DOCK4: variants seen among roughly 807,000 people sequenced by gnomAD.
DOCK4 encodes dedicator of cytokinesis protein 4.
A neutral mutation model predicts 268.1 loss-of-function variants in DOCK4; 97 were observed. That is an observed-to-expected ratio of 0.36 (90% confidence interval 0.31 to 0.43). DOCK4 has a LOEUF of 0.43. Ranked by LOEUF, DOCK4 falls within the 20% of genes least tolerant of loss-of-function variation. The pLI is 1.00. For missense variants in DOCK4, 2,145 were observed against 2,455.7 expected (o/e 0.87, Z 2.67); for synonymous variants, 954 against 887.2 (o/e 1.08, Z -1.34).
At chr7:111,801,447 ATTG>A (rs1353118691) in intron 30 of DOCK4, among the ~76,000 whole-genome samples, 1 of 152,138 alleles carries the variant, frequency 6.6e-6, no homozygotes, top group Non-Finnish European at 1.5e-5. Flanking sequence ...TTTTATCTAA[ATTG>A]GCGCAAGACC....
At chr7:111,822,136 G>C (rs1802031112) in intron 27 of DOCK4, among the ~76,000 whole-genome samples, 1 of 152,100 alleles carries the variant, frequency 6.6e-6, no homozygotes, top group Admixed American at 6.5e-5. Flanking sequence ...GGGTCAATGG[G>C]AACAGAACTT....
At chr7:112,098,201 C>T (rs1810326894) in intron 1 of DOCK4, among the ~76,000 whole-genome samples, 1 of 151,936 alleles carries the variant, frequency 6.6e-6, no homozygotes, top group South Asian at 2.1e-4. Context: ...TTTTTTTAGA[C>T]AGAGTCTCAC....
At chr7:112,044,880 A>G (rs971836378) in intron 1 of DOCK4, among the ~76,000 whole-genome samples, 1 of 151,978 alleles carries the variant, frequency 6.6e-6, no homozygotes, top group Non-Finnish European at 1.5e-5. Flanking sequence ...CATTTTGTCT[A>G]TTGCTACAGT....
chr7:111,896,346 TC>T (rs1808746082), intron 15 of DOCK4, among the ~76,000 whole-genome samples: 2 of 152,168 alleles, frequency 1.3e-5, no homozygotes, highest in Non-Finnish European at 2.9e-5. Flanking sequence ...GATGAGGTTT[TC>T]AGATGCCTAA....
rs1469345635 is a variant in DOCK4, at chr7:111,977,143, G to A, written c.690C>T (p.Asn230=). The change falls in exon 8 of 53, where the codon AAC becomes AAT. Residue 230 remains asparagine, a synonymous_variant. Transcript: ENST00000428084. ...CCACGTGCAGGTACCTGATTGGCCG[G>A]TTCTCTTTACTGTCAAAGAGTGAGA... ...VIFSLFDSKE[N]RPISERFFLR... The A allele has an allele frequency of 1.9e-6, 3 of 1,613,016 alleles. No homozygotes were observed. The highest frequency in any genetic ancestry group is 2.5e-6 in the Non-Finnish European group (3 of 1,179,602).
At chr7:111,877,558 T>A (rs1807007923) in intron 16 of DOCK4, among the ~76,000 whole-genome samples, 1 of 152,226 alleles carries the variant, frequency 6.6e-6, no homozygotes. Context: ...ATAAATCATA[T>A]TTGCAGTGAC....
chr7:111,770,758 CA>C (rs1195034189), intron 36 of DOCK4, among the ~76,000 whole-genome samples: 1 of 152,224 alleles, frequency 6.6e-6, no homozygotes, highest in Non-Finnish European at 1.5e-5. Flanking sequence ...TCTCAAAAGA[CA>C]TAATGATAGC....
chr7:111,844,602 T>C (rs1290175904), intron 25 of DOCK4, among the ~76,000 whole-genome samples, 161 bp downstream of exon 25: 1 of 152,236 alleles, frequency 6.6e-6, no homozygotes, highest in East Asian at 1.9e-4. Context: ...GTTTTATATC[T>C]TGGTTTCCTT....
rs894590226 is a variant in DOCK4, at chr7:111,974,492, A to G, written c.701+2640T>C. On this transcript the variant is annotated intron_variant, in intron 8 of 52. Coordinates refer to ENST00000428084, the MANE Select transcript of DOCK4 (RefSeq NM_001363540.2). The stretch of plus-strand genomic sequence containing the variant: ...AGATCAGGTGGCATATTGAAGAGGG[A>G]TGTGTGTGTGTGTGTGTGTGTGTGT... 8.2e-4 allele frequency among the ~76,000 whole-genome samples: 69 copies of G among 84,378 alleles called. 2 individuals are homozygous for G. The South Asian group carries it at 0.013, about 15-fold the overall frequency. The allele number at this position is 84,378 out of a possible 152,430, so 55.4% of individuals were successfully genotyped here.
chr7:112,016,185 A>G (rs1277775107), intron 1 of DOCK4, among the ~76,000 whole-genome samples: 1 of 152,192 alleles, frequency 6.6e-6, no homozygotes, highest in East Asian at 1.9e-4. Context: ...ACATTTTCTT[A>G]GTCTCTTCCC....
intron 1 of DOCK4, among the ~76,000 whole-genome samples, chr7:112,063,866 G>A (rs1393498251): frequency 6.6e-6 from 1 of 152,202 alleles, no homozygotes; most frequent in African/African-American, 2.4e-5. Context: ...GTGGGTTGCA[G>A]AGGACATCTG....
In DOCK4 at chr7:111,741,583, C is replaced by T. The variant is rs1795920648; in HGVS notation, c.4876G>A (p.Ala1626Thr). 2 of 1,613,554 alleles carry T rather than the reference C, an allele frequency of 1.2e-6. No individual in the cohort carries two copies. Among genetic ancestry groups the T allele is most frequent in the Non-Finnish European group, 1.7e-6 (2 of 1,179,716 alleles). Reference protein sequence around the residue: ...SPRVCRNSAPASVSPDGTRVI... With the variant: ...SPRVCRNSAPTSVSPDGTRVI... ...CTGGTACCATCTGGGCTCACAGAAG[C>T]AGGTGCTGAGTTTCTACACACACGA... Residue 1626 changes from alanine (A) to threonine (T), a missense_variant, in exon 46 of 53, where the codon GCT (alanine) becomes ACT (threonine). Around this residue, in one of 2 missense-constraint regions of DOCK4, gnomAD observed 547 missense variants for 469.0 expected, o/e 1.17. Coordinates refer to ENST00000428084, the MANE Select transcript of DOCK4 (RefSeq NM_001363540.2).
At chr7:111,928,590 T>TTC (rs199685381) in intron 12 of DOCK4, among the ~76,000 whole-genome samples, 3 of 113,568 alleles carry the variant, frequency 2.6e-5, no homozygotes, top group Admixed American at 8.7e-5. Flanking sequence ...CTTTTTCTTT[T>TTC]TTTTTTTTTT....
At chr7:111,839,505 G>T (rs1803503594) in intron 25 of DOCK4, among the ~76,000 whole-genome samples, 1 of 152,186 alleles carries the variant, frequency 6.6e-6, no homozygotes, top group Admixed American at 6.5e-5. Context: ...ATGCAATAAG[G>T]AATAGACTTT....
Position 112,078,510 on chromosome 7 carries a change from G to GA in DOCK4, c.38-74380dup, listed in dbSNP as rs1004501118. Among the ~76,000 whole-genome samples the GA allele has an allele frequency of 8.6e-5, 13 of 152,038 alleles. No homozygotes were observed. The East Asian group carries it at 1.9e-3, about 23-fold the overall frequency. ...CATGGCACATAGAGAGACGATTTAG[G>GA]AAAAAAAATATTTAACTAGGCAGGA... On this transcript the variant is annotated intron_variant, in intron 1 of 52. Transcript: ENST00000428084.
chr7:111,907,902 T>C (rs995402085), intron 13 of DOCK4, among the ~76,000 whole-genome samples: 4 of 152,082 alleles, frequency 2.6e-5, no homozygotes, highest in Admixed American at 2.0e-4. Flanking sequence ...CTAATTTTTG[T>C]ATTTTTTGTA....
At chr7:112,151,111 T>G (rs998044304) in intron 1 of DOCK4, among the ~76,000 whole-genome samples, 1 of 152,120 alleles carries the variant, frequency 6.6e-6, no homozygotes, top group African/African-American at 2.4e-5. Context: ...TGGAGCCAGT[T>G]CCTAGGAGAT....
At chr7:112,197,375 C>G (rs984642898) in intron 1 of DOCK4, among the ~76,000 whole-genome samples, 1 of 149,784 alleles carries the variant, frequency 6.7e-6, no homozygotes, top group African/African-American at 2.4e-5. Flanking sequence ...GGTGCGTGTT[C>G]TTAAATGCTG....
chr7:112,172,011 G>A (rs1458513118), intron 1 of DOCK4, among the ~76,000 whole-genome samples: 1 of 152,058 alleles, frequency 6.6e-6, no homozygotes, highest in African/African-American at 2.4e-5. Context: ...TTCTTATACA[G>A]ACCCAGTCAG....
Sources: gnomAD v4.1 joint callset for allele counts (sites outside exome capture counted in the v4.1 genomes callset) on GRCh38, gnomAD v4.1.1 for gene constraint, gnomAD v4.1.1 regional missense constraint, MANE v1.5 for transcripts, NCBI Gene and HGNC (gene_info 2026-07-23, HGNC 2026-07-21) for gene names.